Variants in NTRK2 observed in about 807,000 individuals in gnomAD.
The protein encoded by NTRK2 is neurotrophic receptor tyrosine kinase 2, also known as BDNF/NT-3 growth factors receptor.
In NTRK2, 13 loss-of-function variants were observed where a neutral mutation model predicts 94.5. The ratio of observed to expected loss-of-function variants is 0.14; its 90% CI spans 0.09 to 0.22. The LOEUF (loss-of-function observed/expected upper bound fraction) is 0.22. Among genes scored for constraint, NTRK2 ranks in the 10% least tolerant of loss-of-function variants. The pLI, the probability that NTRK2 is intolerant of heterozygous loss-of-function variation, is 1.00. For synonymous variants in NTRK2, 372 were observed against 407.4 expected (o/e 0.91, Z 1.05); for missense variants, 639 against 1,071.2 (o/e 0.60, Z 5.63).
intron 12 of NTRK2, among the ~76,000 whole-genome samples, chr9:84,752,931 G>T (rs556088615): frequency 6.6e-5 from 10 of 152,312 alleles, no homozygotes; most frequent in African/African-American, 2.2e-4. Flanking sequence ...GTGCTGGAGA[G>T]TAGGTCAGGT....
chr9:84,739,144 G>A (rs1038840627), intron 9 of NTRK2, among the ~76,000 whole-genome samples: 1 of 152,102 alleles, frequency 6.6e-6, no homozygotes, highest in South Asian at 2.1e-4. Context: ...ACCGCCTCCT[G>A]AGTTCAAGCG....
chr9:84,990,094 A>G (rs999011321), intron 17 of NTRK2, among the ~76,000 whole-genome samples: 1 of 152,190 alleles, frequency 6.6e-6, no homozygotes, highest in Non-Finnish European at 1.5e-5. Flanking sequence ...ATTAAATTAG[A>G]TGAAATGCTT....
chr9:84,860,035 C>A (rs1422583690), intron 12 of NTRK2, among the ~76,000 whole-genome samples: 1 of 152,230 alleles, frequency 6.6e-6, no homozygotes. Context: ...ATCATGACAA[C>A]AACCTCCTAA....
Position 85,007,228 on chromosome 9 carries a change from T to C in NTRK2, c.2173-12978T>C, listed in dbSNP as rs540285922. Reference sequence around the variant, plus strand: ...AGAACATGGTATTTAAGTTAAGTCCTGTTGGACAAGTAGAAGTTAGCCAGG... The same window carrying C: ...AGAACATGGTATTTAAGTTAAGTCCCGTTGGACAAGTAGAAGTTAGCCAGG... On this transcript the variant is annotated intron_variant, in intron 17 of 18. Coordinates refer to ENST00000277120, the MANE Select transcript of NTRK2 (RefSeq NM_006180.6). Among the ~76,000 whole-genome samples, 43 of 152,352 alleles carry C rather than the reference T, an allele frequency of 2.8e-4. 1 individual carries two copies. The highest frequency in any genetic ancestry group is 3.4e-3 in the Middle Eastern group (1 of 294).
intron 2 of NTRK2, among the ~76,000 whole-genome samples, chr9:84,699,162 G>A (rs2060568656): frequency 6.6e-6 from 1 of 151,608 alleles, no homozygotes; most frequent in Non-Finnish European, 1.5e-5. Flanking sequence ...TCAGCCTCCT[G>A]AGTAGCTGGG....
At chr9:84,857,805 G>A (rs980745736) in intron 12 of NTRK2, among the ~76,000 whole-genome samples, 4 of 152,148 alleles carry the variant, frequency 2.6e-5, no homozygotes, top group South Asian at 4.1e-4. Context: ...CCTAGGTAGA[G>A]AGTCCAGTTT....
At position 84,820,169 on chromosome 9, in the gene NTRK2, CTT is replaced by C. The variant is rs902886137; in HGVS notation, c.1397-40855_1397-40854del. On this transcript the variant is annotated intron_variant, in intron 12 of 18. Transcript: ENST00000277120. ...GCTTACTTTTTTTCTTTCTTTCTTT[CTT>C]TTTTTTTTTTTTTTTGGTGACAGCG... 7.7e-3 allele frequency among the ~76,000 whole-genome samples: 1,018 copies of C among 132,464 alleles called. 12 individuals carry two copies. The highest frequency in any genetic ancestry group is 0.026 in the African/African-American group (926 of 35,780). 86.9% of individuals were successfully genotyped at this position (132,464 alleles called of 152,430 possible).
chr9:84,850,760 G>C lies in NTRK2; in HGVS notation c.1397-10280G>C, dbSNP rs1439289758. Among the ~76,000 whole-genome samples, 5 of 152,166 alleles carry C rather than the reference G, an allele frequency of 3.3e-5. No homozygotes were observed. The South Asian group carries it at 1.0e-3, about 32-fold the overall frequency. ...TTCCTTTGTACTGCATTACCCCTCT[G>C]TTCTGAGGCAGAAACGCCCTTTTGG... On this transcript the variant is annotated intron_variant, in intron 12 of 18. Coordinates refer to ENST00000277120, the MANE Select transcript of NTRK2 (RefSeq NM_006180.6).
At chr9:84,804,690 GCATA>G (rs2070899704) in intron 12 of NTRK2, among the ~76,000 whole-genome samples, 1 of 152,164 alleles carries the variant, frequency 6.6e-6, no homozygotes. Context: ...AGCAGCAACT[GCATA>G]CTCTTCTGTG....
chr9:84,690,128 A>G (rs1009288212), intron 2 of NTRK2, among the ~76,000 whole-genome samples: 2 of 152,184 alleles, frequency 1.3e-5, no homozygotes, highest in African/African-American at 4.8e-5. Flanking sequence ...ATAAAATGGG[A>G]AGTGTCCCTG....
intron 9 of NTRK2, among the ~76,000 whole-genome samples, chr9:84,729,615 C>T (rs2062702789): frequency 6.6e-6 from 1 of 152,204 alleles, no homozygotes; most frequent in African/African-American, 2.4e-5. Flanking sequence ...TCACCTCCCC[C>T]ACCATTGTTA....
At chr9:85,001,391 G>A (rs2133407887) in intron 17 of NTRK2, among the ~76,000 whole-genome samples, 1 of 152,230 alleles carries the variant, frequency 6.6e-6, no homozygotes, top group Non-Finnish European at 1.5e-5. Context: ...TCAGATGATG[G>A]GCAAGCGATC....
At chr9:84,890,929 T>A (rs1044161509) in intron 14 of NTRK2, among the ~76,000 whole-genome samples, 1 of 152,228 alleles carries the variant, frequency 6.6e-6, no homozygotes, top group Non-Finnish European at 1.5e-5. Flanking sequence ...TTGTAATATA[T>A]CTTTGAAATC....
chr9:84,736,725 G>A (rs772154655), intron 9 of NTRK2, among the ~76,000 whole-genome samples: 26 of 152,268 alleles, frequency 1.7e-4, no homozygotes, highest in Middle Eastern at 3.4e-3. Context: ...AGTTAATTAT[G>A]CTTCCCAAAG....
intron 11 of NTRK2, among the ~76,000 whole-genome samples, chr9:84,745,983 A>G (rs2064032465): frequency 6.6e-6 from 1 of 152,056 alleles, no homozygotes; most frequent in Non-Finnish European, 1.5e-5. Flanking sequence ...CCTCACTGTC[A>G]TATGCACACA....
At chr9:84,755,863 C>T (rs544849023) in intron 12 of NTRK2, among the ~76,000 whole-genome samples, 1 of 152,212 alleles carries the variant, frequency 6.6e-6, no homozygotes, top group South Asian at 2.1e-4. Flanking sequence ...CTTCTTGCTG[C>T]TAGTGTCCAA....
chr9:84,941,351 A>G (rs939159338), intron 15 of NTRK2, among the ~76,000 whole-genome samples: 5 of 152,180 alleles, frequency 3.3e-5, no homozygotes, highest in Non-Finnish European at 5.9e-5. Context: ...AGTAATTTCA[A>G]CTTTAGACCT....
At chr9:84,792,497 T>G (rs1376840767) in intron 12 of NTRK2, among the ~76,000 whole-genome samples, 1 of 152,192 alleles carries the variant, frequency 6.6e-6, no homozygotes, top group Non-Finnish European at 1.5e-5. Flanking sequence ...TGAAAATTCC[T>G]TCTCTGCCAC....
chr9:84,990,806 C>A (rs1828960070), intron 17 of NTRK2, among the ~76,000 whole-genome samples: 1 of 152,118 alleles, frequency 6.6e-6, no homozygotes, highest in South Asian at 2.1e-4. Flanking sequence ...GAAAAGAGAC[C>A]TGAAGGAGAG....
Sources: allele counts gnomAD v4.1 joint callset (sites outside exome capture counted in the v4.1 genomes callset), GRCh38; gene constraint gnomAD v4.1.1; transcripts MANE v1.5; gene names NCBI Gene and HGNC (gene_info 2026-07-23, HGNC 2026-07-21).